The following ANO1 variants were observed in gnomAD, a reference collection of about 807,000 sequenced individuals.
ANO1 encodes the protein anoctamin 1.
ANO1 carries 59 observed loss-of-function variants against 124.0 expected under a neutral mutation model. That is an observed-to-expected ratio of 0.48 (90% CI 0.39 to 0.59). The LOEUF is 0.59. Ranked by LOEUF, ANO1 falls within the 20% of genes least tolerant of loss-of-function variation. ANO1 has a pLI of 0.00. For synonymous variants in ANO1, 529 were observed against 532.0 expected, an observed-to-expected ratio of 0.99 and a Z score of 0.08; for missense variants, 1,059 against 1,328.0, an observed-to-expected ratio of 0.80 and a Z score of 3.15.
rs1423797220 is a variant in ANO1 at position 70,115,910 on chromosome 11, C to T, written c.856-548C>T. Among the ~76,000 whole-genome samples, 8 of 152,044 alleles carry T rather than the reference C, an allele frequency of 5.3e-5. No homozygotes were observed. The East Asian group carries it at 7.7e-4, about 15-fold the overall frequency. On this transcript the variant is annotated intron_variant, in intron 7 of 25. Coordinates refer to ENST00000355303, the MANE Select transcript of ANO1 (RefSeq NM_018043.7). ...GTCTGGATCCAAGTCAGGGTCTGAC[C>T]GAACTTAGGTGTGTGTCCTCAGAAA...
At chr11:70,095,665 G>T (rs1235328179) in intron 2 of ANO1, among the ~76,000 whole-genome samples, 1 of 152,174 alleles carries the variant, frequency 6.6e-6, no homozygotes, top group African/African-American at 2.4e-5. Flanking sequence ...CCCGTTGCTG[G>T]CTTGAAATAG....
chr11:70,112,308 C>T (rs1019916745), intron 7 of ANO1, among the ~76,000 whole-genome samples: 2 of 152,200 alleles, frequency 1.3e-5, no homozygotes, highest in Admixed American at 6.5e-5. Context: ...AATGGGCCTC[C>T]GGGCCTGAGC....
chr11:70,149,110 G>C (rs777226446), intron 11 of ANO1, among the ~76,000 whole-genome samples: 2 of 152,198 alleles, frequency 1.3e-5, no homozygotes, highest in Non-Finnish European at 2.9e-5. Context: ...CCTCCGAACC[G>C]GGGCCCCCGA....
In ANO1 at chr11:70,126,172, C is replaced by CACCATGGATGAAA. The variant is rs1329104873; in HGVS notation, c.1077_1089dup (p.Ile364HisfsTer3). The CACCATGGATGAAA allele has an allele frequency of 3.7e-6, 6 of 1,613,286 alleles. No individual in the cohort carries two copies. The highest frequency in any genetic ancestry group is 5.1e-6 in the Non-Finnish European group (6 of 1,179,586). ...TCATTGTCTTCCTGTACGGATGCGC[C>CACCATGGATGAAA]ACCATGGATGAAAACATCCCCAGGT... is the stretch of plus-strand genomic sequence containing the variant. On this transcript the variant is annotated frameshift_variant, in exon 10 of 26. Coordinates refer to ENST00000355303, the MANE Select transcript of ANO1 (RefSeq NM_018043.7). LOFTEE classifies it high-confidence loss of function.
chr11:70,042,695 A>G (rs949014206), intron 1 of ANO1, among the ~76,000 whole-genome samples: 2 of 152,230 alleles, frequency 1.3e-5, no homozygotes, highest in Non-Finnish European at 2.9e-5. Flanking sequence ...CTGAGGGCTT[A>G]CAGAGGGCTG....
chr11:70,067,303 G>A (rs2135128551), intron 1 of ANO1, among the ~76,000 whole-genome samples: 1 of 150,234 alleles, frequency 6.7e-6, no homozygotes, highest in East Asian at 2.0e-4. Context: ...GCAGCTCCAA[G>A]GGGACAAGGA....
chr11:69,976,557 G>GAA, the ANO1 span, among the ~76,000 whole-genome samples: 1 of 80,370 alleles, frequency 1.2e-5, no homozygotes, highest in Admixed American at 1.5e-4. Flanking sequence ...AAAAAAAAGA[G>GAA]AGAGAGAGAG....
intron 2 of ANO1, among the ~76,000 whole-genome samples, chr11:70,091,914 A>G (rs1490148616): frequency 6.6e-6 from 1 of 152,208 alleles, no homozygotes; most frequent in African/African-American, 2.4e-5. Flanking sequence ...CAACGGGGCC[A>G]GTTCTTGGAG....
intron 1 of ANO1, among the ~76,000 whole-genome samples, chr11:70,052,610 T>C (rs1555006398): frequency 7.3e-6 from 1 of 137,668 alleles, no homozygotes; most frequent in Non-Finnish European, 1.5e-5. Context: ...TGGAGTGCAA[T>C]GGCGCGATCT....
At chr11:70,125,467 G>T (rs2046463969) in intron 9 of ANO1, among the ~76,000 whole-genome samples, 2 of 148,994 alleles carry the variant, frequency 1.3e-5, no homozygotes, top group African/African-American at 5.0e-5. Flanking sequence ...AGTGAGCCGA[G>T]ATTGTGCCAC....
chr11:70,132,089 G>C lies in ANO1; in HGVS notation c.1258+10G>C, dbSNP rs572371605. 43 of 1,578,060 alleles carry C rather than the reference G, an allele frequency of 2.7e-5. 1 individual carries two copies. In the South Asian group the frequency reaches 4.9e-4, roughly 18 times the overall value. ...TTCATGGCCCTCTGGGGTAAGCAGGGCTCCAGAGCACTGGGTTTTTGGGCA... is the reference window on the plus strand; with the variant it reads ...TTCATGGCCCTCTGGGGTAAGCAGGCCTCCAGAGCACTGGGTTTTTGGGCA... On this transcript the variant is annotated intron_variant, in intron 11 of 25. Transcript: ENST00000355303.
At chr11:70,095,138 G>A (rs150497478) in intron 2 of ANO1, among the ~76,000 whole-genome samples, 72 of 151,518 alleles carry the variant, frequency 4.8e-4, no homozygotes, top group African/African-American at 1.7e-3. Context: ...CCCAGGAGGC[G>A]GAGGTTGCAT....
intron 19 of ANO1, among the ~76,000 whole-genome samples, chr11:70,164,769 T>C (rs908527788): frequency 6.6e-6 from 1 of 152,278 alleles, no homozygotes; most frequent in South Asian, 2.1e-4. Context: ...GGCTGCTGCC[T>C]CCTGTGGGGC....
At chr11:70,057,668 G>A (rs1469490274) in intron 1 of ANO1, among the ~76,000 whole-genome samples, 1 of 152,078 alleles carries the variant, frequency 6.6e-6, no homozygotes, top group African/African-American at 2.4e-5. Context: ...CATTGTCCAG[G>A]GGAGGAATGT....
At chr11:70,030,918 G>C (rs932177698) in intron 1 of ANO1, among the ~76,000 whole-genome samples, 2 of 152,132 alleles carry the variant, frequency 1.3e-5, no homozygotes, top group Non-Finnish European at 2.9e-5. Flanking sequence ...GCATTCACGA[G>C]GTTCAATGTG....
chr11:70,130,052 TG>T (rs2046683618), intron 10 of ANO1, among the ~76,000 whole-genome samples: 1 of 152,204 alleles, frequency 6.6e-6, no homozygotes, highest in African/African-American at 2.4e-5. Context: ...CACCAGCTGC[TG>T]TGGACCAGGC....
chr11:70,134,437 C>T lies in ANO1; in HGVS notation c.1258+2358C>T, dbSNP rs531085421. 4.6e-5 allele frequency among the ~76,000 whole-genome samples: 7 copies of T among 152,324 alleles called. No individual in the cohort carries two copies. In the South Asian group the frequency reaches 1.4e-3, roughly 32 times the overall value. ...CAGACTCCCGCTCTGCCAGTTCCCA[C>T]CTCACTGCTCTAAACCTCAGCTTCC... On this transcript the variant is annotated intron_variant, in intron 11 of 25. Transcript: ENST00000355303.
upstream of ANO1, among the ~76,000 whole-genome samples, chr11:69,984,157 G>T (rs1855983162): frequency 6.6e-6 from 1 of 152,170 alleles, no homozygotes; most frequent in Non-Finnish European, 1.5e-5. Context: ...CAAGAAAAAT[G>T]AGTTTTTATC....
the ANO1 span, among the ~76,000 whole-genome samples, chr11:69,975,486 C>T: frequency 6.6e-6 from 1 of 152,220 alleles, no homozygotes; most frequent in East Asian, 1.9e-4. Flanking sequence ...AAGGAGGATT[C>T]TAAACTGAGG....
Sources: gnomAD v4.1 joint callset for allele counts (sites outside exome capture counted in the v4.1 genomes callset) on GRCh38, gnomAD v4.1.1 for gene constraint, MANE v1.5 for transcripts, NCBI Gene and HGNC (gene_info 2026-07-23, HGNC 2026-07-21) for gene names.